AK5: variants seen among roughly 807,000 people sequenced by gnomAD.
AK5 encodes adenylate kinase isoenzyme 5.
Under a neutral mutation model 69.5 loss-of-function variants are expected in AK5, and 27 were observed. The observed-to-expected ratio is 0.39, with a 90% CI of 0.29 to 0.54. The LOEUF is 0.54. AK5 is among the 20% of genes least tolerant of loss of function. AK5 has a pLI of 0.71. For synonymous variants in AK5, 260 were observed against 244.4 expected, an observed-to-expected ratio of 1.06 and a Z score of -0.60; for missense variants, 531 against 700.4, an observed-to-expected ratio of 0.76 and a Z score of 2.73.
chr1:77,328,315 A>C (rs1424564906), intron 5 of AK5, among the ~76,000 whole-genome samples: 1 of 152,176 alleles, frequency 6.6e-6, no homozygotes, highest in East Asian at 1.9e-4. Flanking sequence ...CCTGACCAAC[A>C]TAGTGAAACC....
At chr1:77,442,155 G>T (rs1269641505) in intron 8 of AK5, among the ~76,000 whole-genome samples, 1 of 152,178 alleles carries the variant, frequency 6.6e-6, no homozygotes, top group Non-Finnish European at 1.5e-5. Flanking sequence ...ATGGGGAAAG[G>T]TATGACAGTG....
chr1:77,377,618 A>C (rs1647334675), intron 6 of AK5, among the ~76,000 whole-genome samples: 1 of 152,150 alleles, frequency 6.6e-6, no homozygotes, highest in South Asian at 2.1e-4. Flanking sequence ...ATGTCACTCA[A>C]CTGCTTAAAA....
At chr1:77,491,791 T>C (rs1292474344) in intron 10 of AK5, among the ~76,000 whole-genome samples, 2 of 152,216 alleles carry the variant, frequency 1.3e-5, no homozygotes, top group Non-Finnish European at 2.9e-5. Context: ...CACTTTATAA[T>C]GTTATCTTAT....
chr1:77,374,700 A>C (rs180739685), intron 6 of AK5, among the ~76,000 whole-genome samples: 11 of 152,116 alleles, frequency 7.2e-5, no homozygotes, highest in Admixed American at 7.2e-4. Context: ...ACCTATTTGT[A>C]GTTCTAGCTA....
intron 12 of AK5, among the ~76,000 whole-genome samples, chr1:77,533,130 C>T (rs898564823): frequency 6.6e-6 from 1 of 152,138 alleles, no homozygotes; most frequent in Admixed American, 6.5e-5. Context: ...GAGGTTAGGT[C>T]AAACCCCCTA....
At chr1:77,506,123 C>G (rs1051596568) in intron 10 of AK5, among the ~76,000 whole-genome samples, 1 of 151,980 alleles carries the variant, frequency 6.6e-6, no homozygotes, top group African/African-American at 2.4e-5. Context: ...AAAAGCAGCT[C>G]TGGTCTGTCA....
At chr1:77,494,901 C>A (rs1176335833) in intron 10 of AK5, among the ~76,000 whole-genome samples, 2 of 151,928 alleles carry the variant, frequency 1.3e-5, no homozygotes, top group African/African-American at 4.8e-5. Context: ...CCTGCCTCAG[C>A]CTCCCGGGTA....
intron 5 of AK5, among the ~76,000 whole-genome samples, chr1:77,299,146 AT>A (rs1479670874): frequency 6.6e-6 from 1 of 152,102 alleles, no homozygotes; most frequent in Non-Finnish European, 1.5e-5. Flanking sequence ...ACCAGATACG[AT>A]TCATGTTTAA....
intron 7 of AK5, among the ~76,000 whole-genome samples, chr1:77,414,587 T>A (rs1332974857): frequency 6.6e-6 from 1 of 152,196 alleles, no homozygotes; most frequent in Non-Finnish European, 1.5e-5. Context: ...CTGAAGGCCA[T>A]TCTAAAACTA....
intron 8 of AK5, among the ~76,000 whole-genome samples, chr1:77,419,887 A>G (rs760600364): frequency 5.3e-5 from 8 of 152,206 alleles, no homozygotes; most frequent in Non-Finnish European, 1.0e-4. Context: ...GATGGAAGGA[A>G]CATATCCAGT....
rs1553139774 is a variant in AK5, at chr1:77,367,589, T to TTATATGTTA, written c.891+27026_891+27027insGTTATATAT. Among the ~76,000 whole-genome samples the TTATATGTTA allele has an allele frequency of 1.3e-3, 58 of 43,596 alleles. 9 individuals are homozygous for TTATATGTTA. The South Asian group carries it at 0.02, about 15-fold the overall frequency. 28.6% of individuals were successfully genotyped at this position (43,596 alleles called of 152,430 possible). ...TATATATATATATATAATATATATG[T>TTATATGTTA]TATATATGTAATATATATGTAATAT... is the stretch of plus-strand genomic sequence containing the variant. On this transcript the variant is annotated intron_variant, in intron 6 of 13. Transcript: ENST00000354567.
intron 9 of AK5, among the ~76,000 whole-genome samples, chr1:77,485,787 T>C (rs939071329): frequency 1.3e-5 from 2 of 152,318 alleles, no homozygotes; most frequent in Middle Eastern, 3.4e-3. Context: ...TGATCGTGCA[T>C]GTTAAAATAA....
chr1:77,552,227 A>G (rs889301468), intron 13 of AK5, among the ~76,000 whole-genome samples: 2 of 152,080 alleles, frequency 1.3e-5, no homozygotes, highest in African/African-American at 2.4e-5. Flanking sequence ...GTAATTTTCC[A>G]TCCACTGACT....
intron 5 of AK5, among the ~76,000 whole-genome samples, chr1:77,315,577 G>A (rs1212277393): frequency 6.6e-6 from 1 of 152,098 alleles, no homozygotes; most frequent in African/African-American, 2.4e-5. Context: ...AAAACTTTAT[G>A]AGACAGGATT....
chr1:77,293,709 A>T, intron 2 of AK5, 84 bp from the exon 3 acceptor site: 2 of 1,205,120 alleles, frequency 1.7e-6, no homozygotes, highest in Non-Finnish European at 2.3e-6. Context: ...TTAATTTTAA[A>T]ATTGCTTTTA....
chr1:77,418,075 T>C (rs1463036953), intron 8 of AK5, among the ~76,000 whole-genome samples: 1 of 152,140 alleles, frequency 6.6e-6, no homozygotes, highest in Non-Finnish European at 1.5e-5. Flanking sequence ...GCTCTGCTAT[T>C]TTATCGCTAA....
chr1:77,396,971 C>G (rs1338388787), intron 6 of AK5, among the ~76,000 whole-genome samples: 1 of 152,218 alleles, frequency 6.6e-6, no homozygotes, highest in Non-Finnish European at 1.5e-5. Context: ...TGTCACATTC[C>G]TGTGTGCCCA....
At chr1:77,311,684 A>T (rs974291456) in intron 5 of AK5, among the ~76,000 whole-genome samples, 12 of 151,928 alleles carry the variant, frequency 7.9e-5, no homozygotes, top group African/African-American at 2.9e-4. Context: ...TTTCCCCCTG[A>T]TACTGAATCC....
chr1:77,453,021 T>C (rs573245056), intron 8 of AK5, among the ~76,000 whole-genome samples: 1 of 152,338 alleles, frequency 6.6e-6, no homozygotes, highest in Admixed American at 6.5e-5. Flanking sequence ...GAGAATGATA[T>C]AACAAACATC....
Sources: gnomAD v4.1 joint callset for allele counts (sites outside exome capture counted in the v4.1 genomes callset) on GRCh38, gnomAD v4.1.1 for gene constraint, MANE v1.5 for transcripts, NCBI Gene and HGNC (gene_info 2026-07-23, HGNC 2026-07-21) for gene names.